TTC28: variants seen among roughly 807,000 people sequenced by gnomAD.
TTC28 encodes the protein tetratricopeptide repeat protein 28.
A neutral mutation model predicts 198.0 loss-of-function variants in TTC28; 61 were observed. The observed-to-expected ratio is 0.31, with a 90% CI of 0.25 to 0.38. The LOEUF (loss-of-function observed/expected upper bound fraction) is 0.38. Ranked by LOEUF, TTC28 falls within the 10% of genes least tolerant of loss-of-function variation. TTC28 has a pLI of 1.00. For missense variants in TTC28, 2,678 were observed against 3,164.0 expected, an observed-to-expected ratio of 0.85 and a Z score of 3.69; for synonymous variants, 1,171 against 1,297.8, an observed-to-expected ratio of 0.90 and a Z score of 2.10.
chr22:28,294,416 T>C (rs1199518674), intron 5 of TTC28, among the ~76,000 whole-genome samples: 1 of 152,166 alleles, frequency 6.6e-6, no homozygotes, highest in Non-Finnish European at 1.5e-5. Flanking sequence ...TAATATAACA[T>C]CTATGATATC....
intron 2 of TTC28, among the ~76,000 whole-genome samples, chr22:28,483,283 G>T (rs1427910490): frequency 6.6e-6 from 1 of 152,098 alleles, no homozygotes; most frequent in African/African-American, 2.4e-5. Context: ...TAAGTGTCAT[G>T]TCAGATGGCA....
At chr22:28,580,412 A>C (rs1345581510) in intron 2 of TTC28, among the ~76,000 whole-genome samples, 2 of 152,058 alleles carry the variant, frequency 1.3e-5, no homozygotes, top group African/African-American at 4.8e-5. Context: ...TTTAAACTTT[A>C]ATTAAAATAG....
intron 2 of TTC28, among the ~76,000 whole-genome samples, chr22:28,343,223 T>G (rs2045859702): frequency 6.6e-6 from 1 of 152,072 alleles, no homozygotes; most frequent in Admixed American, 6.5e-5. Flanking sequence ...GAAAATCAGA[T>G]GTAACTTTAA....
At chr22:28,477,919 A>C (rs1171820730) in intron 2 of TTC28, among the ~76,000 whole-genome samples, 1 of 152,216 alleles carries the variant, frequency 6.6e-6, no homozygotes, top group African/African-American at 2.4e-5. Context: ...AAGATGCAGG[A>C]GACAGACAAA....
At chr22:28,351,730 A>G (rs558564374) in intron 2 of TTC28, among the ~76,000 whole-genome samples, 11 of 152,308 alleles carry the variant, frequency 7.2e-5, no homozygotes, top group South Asian at 4.1e-4. Flanking sequence ...TTATGAGAAA[A>G]TTAAAGTAGC....
intron 6 of TTC28, among the ~76,000 whole-genome samples, chr22:28,160,081 G>A (rs1921000018): frequency 6.6e-6 from 1 of 152,188 alleles, no homozygotes; most frequent in African/African-American, 2.4e-5. Flanking sequence ...GGGCACTGCA[G>A]GGAGAGGTGG....
intron 2 of TTC28, among the ~76,000 whole-genome samples, chr22:28,406,940 G>A (rs977793146): frequency 1.3e-5 from 2 of 152,144 alleles, no homozygotes; most frequent in Admixed American, 6.6e-5. Flanking sequence ...ACCAATTTTG[G>A]CCCTCTGAGG....
intron 8 of TTC28, among the ~76,000 whole-genome samples, chr22:28,103,839 A>T (rs1942224814): frequency 6.6e-6 from 1 of 152,260 alleles, no homozygotes; most frequent in Non-Finnish European, 1.5e-5. Flanking sequence ...ACAGCTGAAA[A>T]GTTGTCATAT....
chr22:28,201,940 C>T (rs1925989238), intron 5 of TTC28, among the ~76,000 whole-genome samples: 1 of 152,030 alleles, frequency 6.6e-6, no homozygotes. Flanking sequence ...AATATTTGTA[C>T]AGAGCTTCAG....
At chr22:28,567,475 C>CATATATATATATATATATAT (rs1217643047) in intron 2 of TTC28, among the ~76,000 whole-genome samples, 82 of 13,734 alleles carry the variant, frequency 6.0e-3, no homozygotes, top group Non-Finnish European at 7.3e-3. Flanking sequence ...CATATACATA[C>CATATATATATATATATATAT]ATACATATAT....
chr22:27,993,133 T>C, intron 18 of TTC28, 154 bp downstream of exon 18: 4 of 674,352 alleles, frequency 5.9e-6, no homozygotes, highest in Non-Finnish European at 9.8e-6. Flanking sequence ...GGTGTGGAGA[T>C]GCTTGTATCT....
At position 28,480,848 on chromosome 22, in the gene TTC28, A is replaced by G. The variant is rs1237214613; in HGVS notation, c.381+148704T>C. 2.0e-5 allele frequency among the ~76,000 whole-genome samples: 3 copies of G among 152,174 alleles called. No homozygotes were observed. In the East Asian group the frequency reaches 5.8e-4, roughly 29 times the overall value. ...AGAGAAGGTAATTTGTGTATTTTCT[A>G]TTTTCAAAATCATTAATTTCAAAGA... On this transcript the variant is annotated intron_variant, in intron 2 of 22. Coordinates refer to ENST00000397906, the MANE Select transcript of TTC28 (RefSeq NM_001145418.2).
chr22:28,637,784 G>A (rs2051300335), intron 1 of TTC28, among the ~76,000 whole-genome samples: 1 of 150,782 alleles, frequency 6.6e-6, no homozygotes, highest in South Asian at 2.1e-4. Flanking sequence ...CCAAAGAGAT[G>A]CTGCTTACAA....
At chr22:28,634,541 T>C (rs2051234208) in intron 1 of TTC28, among the ~76,000 whole-genome samples, 3 of 150,294 alleles carry the variant, frequency 2.0e-5, no homozygotes, top group African/African-American at 4.9e-5. Context: ...GAAATTTCTA[T>C]GTATGGCTAA....
intron 2 of TTC28, among the ~76,000 whole-genome samples, chr22:28,336,035 G>C (rs1228314606): frequency 6.6e-6 from 1 of 152,166 alleles, no homozygotes; most frequent in Non-Finnish European, 1.5e-5. Context: ...TTTATTGAGA[G>C]TTTTTAGCAC....
chr22:28,328,809 T>A (rs2045573632), intron 2 of TTC28, among the ~76,000 whole-genome samples: 1 of 148,602 alleles, frequency 6.7e-6, no homozygotes, highest in African/African-American at 2.5e-5. Flanking sequence ...AATAATATGT[T>A]CTGAAGAGGT....
intron 5 of TTC28, among the ~76,000 whole-genome samples, chr22:28,240,609 T>C (rs1929592625): frequency 1.3e-5 from 2 of 152,156 alleles, no homozygotes; most frequent in Non-Finnish European, 2.9e-5. Context: ...AAAACATTGA[T>C]ACCTCATTAG....
chr22:28,203,138 GA>G (rs982792118), intron 5 of TTC28, among the ~76,000 whole-genome samples: 3 of 151,630 alleles, frequency 2.0e-5, no homozygotes, highest in Admixed American at 6.6e-5. Flanking sequence ...TTTTTTAGTG[GA>G]AAAAAAACAT....
At chr22:28,201,778 C>A (rs1925971685) in intron 5 of TTC28, among the ~76,000 whole-genome samples, 1 of 145,364 alleles carries the variant, frequency 6.9e-6, no homozygotes, top group African/African-American at 2.6e-5. Flanking sequence ...AAGAGGGGAG[C>A]CAGTGTGAAC....
Sources: allele counts gnomAD v4.1 joint callset (sites outside exome capture counted in the v4.1 genomes callset), GRCh38; gene constraint gnomAD v4.1.1; transcripts MANE v1.5; gene names NCBI Gene and HGNC (gene_info 2026-07-23, HGNC 2026-07-21).